XG: variants seen among roughly 807,000 people sequenced by gnomAD.
XG encodes Xg glycoprotein (Xg blood group).
A neutral mutation model predicts 25.7 loss-of-function variants in XG; 24 were observed. The ratio of observed to expected loss-of-function variants is 0.93; its 90% CI spans 0.68 to 1.31. The LOEUF is 1.31. XG is among the 40% of genes most tolerant of loss of function. The pLI, the probability that XG is intolerant of heterozygous loss-of-function variation, is 0.00. For missense variants in XG, 181 were observed against 187.6 expected, an observed-to-expected ratio of 0.96 and a Z score of 0.21; for synonymous variants, 77 against 69.2, an observed-to-expected ratio of 1.11 and a Z score of -0.56.
intron 1 of XG, among the ~76,000 whole-genome samples, chrX:2,754,978 G>A (rs1471684481): frequency 2.0e-5 from 3 of 152,216 alleles, no homozygotes; most frequent in Admixed American, 6.5e-5. Context: ...CTGAGGCACT[G>A]AGGATTTGGA....
chrX:2,759,882 G>A (rs913406372), intron 1 of XG, among the ~76,000 whole-genome samples: 2 of 152,228 alleles, frequency 1.3e-5, no homozygotes, highest in Non-Finnish European at 2.9e-5. Flanking sequence ...TGAGCGATGT[G>A]TGCAGCCACG....
intron 4 of XG, 69 bp downstream of exon 4, chrX:2,782,197 C>A (rs778698071): frequency 9.0e-7 from 1 of 1,114,230 alleles, no homozygotes; most frequent in African/African-American, 1.8e-5. Context: ...TATTTACTAG[C>A]AGGTTTAGCC....
chrX:2,809,824 C>T (rs1484250161), intron 9 of XG, among the ~76,000 whole-genome samples: 3 of 111,872 alleles, frequency 2.7e-5, no homozygotes, highest in African/African-American at 6.5e-5. Flanking sequence ...TCTCACATCC[C>T]TCCAGGAAGC....
At chrX:2,765,911 A>G (rs2050674357) in intron 1 of XG, among the ~76,000 whole-genome samples, 1 of 152,246 alleles carries the variant, frequency 6.6e-6, no homozygotes, top group Admixed American at 6.5e-5. Context: ...CATGAAGCAG[A>G]TTTATTAACT....
chrX:2,784,112 C>G (rs2086760999), intron 4 of XG, among the ~76,000 whole-genome samples: 1 of 111,770 alleles, frequency 8.9e-6, no homozygotes, highest in Non-Finnish European at 1.9e-5. Context: ...TACCACCCAC[C>G]TTTTTCTCCT....
In XG at chrX:2,775,255, C is replaced by G. The variant is rs761607085; in HGVS notation, c.127+516C>G. Among the ~76,000 whole-genome samples the G allele has an allele frequency of 2.6e-5, 4 of 152,260 alleles. No homozygotes were observed. The South Asian group carries it at 8.3e-4, about 32-fold the overall frequency. ...TTAATCAGTGGAAGGAATGGATAAA[C>G]AAAATGTGGTCCATTCACACAATGG... On this transcript the variant is annotated intron_variant, in intron 3 of 10. Coordinates refer to ENST00000644266, the MANE Select transcript of XG (RefSeq NM_001141919.2).
intron 1 of XG, among the ~76,000 whole-genome samples, chrX:2,763,868 A>G (rs1414354445): frequency 6.6e-6 from 1 of 152,250 alleles, no homozygotes; most frequent in Non-Finnish European, 1.5e-5. Flanking sequence ...TTTACTGCAC[A>G]GGGCCGGTGG....
chrX:2,774,536 A>G (rs2050931942), intron 2 of XG, among the ~76,000 whole-genome samples, 180 bp from the exon 3 acceptor site: 1 of 151,790 alleles, frequency 6.6e-6, no homozygotes, highest in African/African-American at 2.4e-5. Context: ...TTTTGAATGG[A>G]TTTTAAGGGT....
At chrX:2,759,568 C>G (rs1188851660) in intron 1 of XG, among the ~76,000 whole-genome samples, 11 of 152,272 alleles carry the variant, frequency 7.2e-5, no homozygotes, top group South Asian at 2.1e-4. Context: ...TAGTTTCCTT[C>G]TTGGAGTAGG....
chrX:2,768,682 C>G (rs976083332), intron 1 of XG, among the ~76,000 whole-genome samples: 18 of 152,262 alleles, frequency 1.2e-4, no homozygotes, highest in African/African-American at 4.1e-4. Flanking sequence ...GCACAAGAAT[C>G]GTTTGAACCC....
intron 7 of XG, among the ~76,000 whole-genome samples, chrX:2,805,021 G>T (rs1399208907): frequency 8.9e-6 from 1 of 112,545 alleles, no homozygotes; most frequent in Non-Finnish European, 1.9e-5. Context: ...CCCCGGCAGA[G>T]CGAGGCTGTG....
rs376962370 is a variant in XG, at chrX:2,752,058, A to G, written c.-217A>G. The G allele has an allele frequency of 9.0e-5, 60 of 668,760 alleles. 1 individual carries two copies. The highest frequency in any genetic ancestry group is 6.1e-4 in the East Asian group (22 of 36,342). The allele number at this position is 668,760 out of a possible 1,614,324, so 41.4% of individuals were successfully genotyped here. On this transcript the variant is annotated 5_prime_UTR_variant, in exon 1 of 11. Coordinates refer to ENST00000644266, the MANE Select transcript of XG (RefSeq NM_001141919.2). Reference sequence around the variant, plus strand: ...CTCCGACACACGACTGAGTGTGCCTACACTGGTCCCACAGGTTTTCAGCTG... The same window carrying G: ...CTCCGACACACGACTGAGTGTGCCTGCACTGGTCCCACAGGTTTTCAGCTG...
intron 2 of XG, among the ~76,000 whole-genome samples, chrX:2,773,529 A>G (rs2050884672): frequency 7.5e-6 from 1 of 133,856 alleles, no homozygotes; most frequent in Admixed American, 7.4e-5. Flanking sequence ...GAAGGAAGGA[A>G]GGAGAGAAGG....
At chrX:2,796,934 T>A (rs1281241714) in intron 6 of XG, among the ~76,000 whole-genome samples, 15 of 112,030 alleles carry the variant, frequency 1.3e-4, no homozygotes, top group Non-Finnish European at 3.8e-5. Context: ...GCTGAGAACA[T>A]TTACGATTGA....
At chrX:2,784,336 A>G (rs762192490) in intron 4 of XG, among the ~76,000 whole-genome samples, 4 of 111,002 alleles carry the variant, frequency 3.6e-5, no homozygotes, top group Non-Finnish European at 7.5e-5. Context: ...TAATCCCAGT[A>G]CTTTGGTAGA....
At chrX:2,782,265 CT>C in intron 4 of XG, 137 bp downstream of exon 4, 1 of 714,142 alleles carries the variant, frequency 1.4e-6, no homozygotes, top group Non-Finnish European at 2.1e-6. Context: ...AGTTTCTTTC[CT>C]CACTGGGGGG....
chrX:2,791,767 C>T (rs2086839944), intron 5 of XG, among the ~76,000 whole-genome samples: 1 of 110,184 alleles, frequency 9.1e-6, no homozygotes, highest in South Asian at 4.0e-4. Flanking sequence ...AGGTGAAGGT[C>T]AGTGAAGTCA....
At chrX:2,808,065 A>G (rs2147094931) in intron 8 of XG, 120 bp from the exon 9 acceptor site, 2 of 795,156 alleles carry the variant, frequency 2.5e-6, no homozygotes, top group East Asian at 6.8e-5. Flanking sequence ...AAGAATGTAA[A>G]TTCCCTGAAA....
chrX:2,775,666 T>A (rs1336935117), intron 3 of XG, among the ~76,000 whole-genome samples: 5 of 152,096 alleles, frequency 3.3e-5, no homozygotes, highest in Non-Finnish European at 7.4e-5. Context: ...ATTAAAAAGG[T>A]AACCTTTGGC....
Sources: allele counts gnomAD v4.1 joint callset (sites outside exome capture counted in the v4.1 genomes callset), GRCh38; gene constraint gnomAD v4.1.1; transcripts MANE v1.5; gene names NCBI Gene and HGNC (gene_info 2026-07-23, HGNC 2026-07-21).